PCDHA1: variants seen among roughly 807,000 people sequenced by gnomAD.
PCDHA1 encodes protocadherin alpha-1.
Under a neutral mutation model 61.3 loss-of-function variants are expected in PCDHA1, and 42 were observed. That is an observed-to-expected ratio of 0.69 (90% CI 0.54 to 0.89). PCDHA1 has a LOEUF of 0.89. Ranked by LOEUF, PCDHA1 falls within the 40% of genes least tolerant of loss-of-function variation. PCDHA1 has a pLI of 0.00. For missense variants in PCDHA1, 1,256 were observed against 1,235.3 expected (o/e 1.02, Z -0.25); for synonymous variants, 610 against 553.8 (o/e 1.10, Z -1.43).
intron 1 of PCDHA1, among the ~76,000 whole-genome samples, chr5:140,894,025 A>G (rs1473023847): frequency 1.3e-5 from 2 of 152,232 alleles, no homozygotes; most frequent in Admixed American, 6.5e-5. Flanking sequence ...CCAGTTCTGC[A>G]TACTGGTAAT....
chr5:140,993,033 T>C (rs1315226376), intron 3 of PCDHA1, among the ~76,000 whole-genome samples: 2 of 152,158 alleles, frequency 1.3e-5, no homozygotes, highest in African/African-American at 4.8e-5. Context: ...GTGGGCTCCG[T>C]GTGTCATCAA....
At chr5:140,875,740 A>G (rs377133743) in intron 1 of PCDHA1, 14 of 1,614,104 alleles carry the variant, frequency 8.7e-6, no homozygotes, top group Non-Finnish European at 1.2e-5. Context: ...GAATTCTCGG[A>G]TCGACCGCGA....
chr5:140,878,125 A>T (rs1286133298), intron 1 of PCDHA1: 1 of 214,326 alleles, frequency 4.7e-6, no homozygotes, highest in Non-Finnish European at 9.0e-6. Flanking sequence ...ATATTAGATT[A>T]AAAAGTGGCC....
chr5:140,941,748 T>G (rs2093156951), intron 1 of PCDHA1, among the ~76,000 whole-genome samples: 1 of 152,210 alleles, frequency 6.6e-6, no homozygotes, highest in South Asian at 2.1e-4. Flanking sequence ...CTTATCAGAT[T>G]TTCAGTGCTT....
At chr5:140,985,377 A>G (rs782189204) in intron 3 of PCDHA1, among the ~76,000 whole-genome samples, 10 of 152,188 alleles carry the variant, frequency 6.6e-5, no homozygotes, top group Non-Finnish European at 5.9e-5. Context: ...CTGGGTCTAT[A>G]TAATCCAGTC....
At chr5:140,807,404 G>C (rs201303975) in intron 1 of PCDHA1, 1 of 736,864 alleles carries the variant, frequency 1.4e-6, no homozygotes, top group Non-Finnish European at 1.8e-6. Flanking sequence ...GGGCCGCGGA[G>C]GCCTTCTGGA....
intron 1 of PCDHA1, chr5:140,875,784 C>T (rs782115108): frequency 3.7e-5 from 60 of 1,614,200 alleles, no homozygotes; most frequent in Non-Finnish European, 5.0e-5. Flanking sequence ...AGTGCAGTAT[C>T]CACCTGGAGG....
In PCDHA1 at chr5:140,842,523, T is replaced by A. The variant is rs201459051; in HGVS notation, c.2394+53839T>A. The A allele has an allele frequency of 5.0e-5, 81 of 1,613,306 alleles. 4 individuals are homozygous for A. Among genetic ancestry groups the A allele is most frequent in the Non-Finnish European group, 3.3e-5 (39 of 1,179,452 alleles). ...GTCCCCTTCAAGCTGGTGTCCACCT[T>A]CAAGAATTACTACTCGTTGGTGCTG... On this transcript the variant is annotated intron_variant, in intron 1 of 3. Coordinates refer to ENST00000504120, the MANE Select transcript of PCDHA1 (RefSeq NM_018900.4).
At chr5:140,941,202 C>CCTTTCTTCCTTCCTTTCTTTCTTT (rs1394736170) in intron 1 of PCDHA1, among the ~76,000 whole-genome samples, 4 of 122,742 alleles carry the variant, frequency 3.3e-5, no homozygotes, top group African/African-American at 5.9e-5. Context: ...TTTCTTTCTT[C>CCTTTCTTCCTTCCTTTCTTTCTTT]CTTTCTTTCT....
chr5:140,809,308 G>A, intron 1 of PCDHA1: 18 of 1,614,122 alleles, frequency 1.1e-5, no homozygotes, highest in Non-Finnish European at 1.5e-5. Context: ...TCTGCGCGGT[G>A]TCCAGCCTTT....
intron 1 of PCDHA1, 22 bp from the exon 2 acceptor site, chr5:140,978,924 GAAA>G (rs781894146): frequency 6.2e-7 from 1 of 1,614,012 alleles, no homozygotes; most frequent in East Asian, 2.2e-5. Flanking sequence ...CATTTTAACA[GAAA>G]ACTCTCTTTG....
chr5:140,989,534 A>G (rs1201139003), intron 3 of PCDHA1, among the ~76,000 whole-genome samples: 1 of 152,184 alleles, frequency 6.6e-6, no homozygotes, highest in African/African-American at 2.4e-5. Flanking sequence ...GGAGGAAGAT[A>G]GTTTGTAATT....
intron 1 of PCDHA1, chr5:140,969,117 A>C (rs1554231477): frequency 6.2e-7 from 1 of 1,614,178 alleles, no homozygotes; most frequent in Admixed American, 1.7e-5. Flanking sequence ...GTTCGAGGGA[A>C]TGGCTCCCTC....
chr5:140,998,241 T>C (rs1554256206), intron 3 of PCDHA1, among the ~76,000 whole-genome samples: 1 of 152,194 alleles, frequency 6.6e-6, no homozygotes, highest in African/African-American at 2.4e-5. Context: ...TGCATTATTA[T>C]ACTCATTTTA....
rs569501434 is a variant in PCDHA1 at position 140,980,458 on chromosome 5, T to C, written c.2453+1451T>C. Among the ~76,000 whole-genome samples the C allele has an allele frequency of 1.6e-4, 25 of 152,264 alleles. No individual in the cohort carries two copies. The South Asian group carries it at 2.7e-3, about 16-fold the overall frequency. ...CATCCTGGACAACACGGTGAAACCC[T>C]GTCTCTACTAAAAATACAAAAATTA... On this transcript the variant is annotated intron_variant, in intron 2 of 3. Coordinates refer to ENST00000504120, the MANE Select transcript of PCDHA1 (RefSeq NM_018900.4).
intron 1 of PCDHA1, chr5:140,801,955 A>C: frequency 6.2e-7 from 1 of 1,614,214 alleles, no homozygotes; most frequent in South Asian, 1.1e-5. Flanking sequence ...AGATTACTCG[A>C]AAATGCACCA....
intron 1 of PCDHA1, chr5:140,809,050 G>T (rs374806592): frequency 8.1e-6 from 13 of 1,613,754 alleles, no homozygotes; most frequent in Non-Finnish European, 1.1e-5. Context: ...CGCGCATCCC[G>T]TTCCGCGTGG....
intron 1 of PCDHA1, among the ~76,000 whole-genome samples, chr5:140,837,556 A>G (rs1356770218): frequency 6.6e-6 from 1 of 151,974 alleles, no homozygotes; most frequent in Non-Finnish European, 1.5e-5. Flanking sequence ...GCCAAATTAT[A>G]TAAATATATT....
At chr5:140,952,807 C>T (rs1390694306) in intron 1 of PCDHA1, among the ~76,000 whole-genome samples, 2 of 152,158 alleles carry the variant, frequency 1.3e-5, no homozygotes, top group Admixed American at 6.5e-5. Context: ...CGCAGTTCTG[C>T]AGGCTGTACA....
Sources: allele counts gnomAD v4.1 joint callset (sites outside exome capture counted in the v4.1 genomes callset), GRCh38; gene constraint gnomAD v4.1.1; transcripts MANE v1.5; gene names NCBI Gene and HGNC (gene_info 2026-07-23, HGNC 2026-07-21).